Variants in UGT1A8 observed in about 807,000 individuals in gnomAD.
UGT1A8 encodes the protein UDP glucuronosyltransferase family 1 member A8, also known as UDP-glucuronosyltransferase 1A8.
In UGT1A8, 39 loss-of-function variants were observed where a neutral mutation model predicts 45.3. That is an observed-to-expected ratio of 0.86 (90% confidence interval 0.67 to 1.12). UGT1A8 has a LOEUF of 1.12. UGT1A8 is among the 50% of genes most tolerant of loss of function. The pLI is 0.00. For missense variants in UGT1A8, 719 were observed against 664.9 expected (o/e 1.08, Z -0.90); for synonymous variants, 275 against 249.2 (o/e 1.10, Z -0.97).
intron 1 of UGT1A8, among the ~76,000 whole-genome samples, chr2:233,621,784 G>C (rs531639397): frequency 6.6e-6 from 1 of 152,114 alleles, no homozygotes; most frequent in East Asian, 1.9e-4. Flanking sequence ...ACAACGTAAA[G>C]GTTTGTTACA....
At chr2:233,670,759 C>T (rs577370995) in intron 1 of UGT1A8, among the ~76,000 whole-genome samples, 2 of 152,286 alleles carry the variant, frequency 1.3e-5, no homozygotes, top group African/African-American at 4.8e-5. Flanking sequence ...TTGACACCTT[C>T]AGTGTTGAAC....
intron 1 of UGT1A8, among the ~76,000 whole-genome samples, chr2:233,715,951 T>C (rs189079466): frequency 1.1e-3 from 172 of 152,286 alleles, no homozygotes; most frequent in African/African-American, 4.0e-3. Flanking sequence ...GTTTGTTGAC[T>C]GACTGACTGA....
At chr2:233,650,726 G>A (rs1041291371) in intron 1 of UGT1A8, among the ~76,000 whole-genome samples, 1 of 151,866 alleles carries the variant, frequency 6.6e-6, no homozygotes, top group African/African-American at 2.4e-5. Context: ...TTTTGATGGG[G>A]GCTTTTTTCC....
intron 1 of UGT1A8, among the ~76,000 whole-genome samples, chr2:233,732,141 T>C (rs532123817): frequency 6.6e-6 from 1 of 151,874 alleles, no homozygotes; most frequent in South Asian, 2.1e-4. Context: ...TGTTTGTTTG[T>C]TTTTTTTCTT....
chr2:233,750,643 A>G (rs1694525645), intron 1 of UGT1A8: 1 of 149,168 alleles, frequency 6.7e-6, no homozygotes. Flanking sequence ...TGCTGTGTGC[A>G]GCCTCAGGAC....
intron 1 of UGT1A8, among the ~76,000 whole-genome samples, chr2:233,724,822 C>T (rs372493213): frequency 2.2e-5 from 3 of 135,968 alleles, no homozygotes; most frequent in Admixed American, 7.3e-5. Flanking sequence ...GCTGCAATCT[C>T]GGCACTTTGG....
Position 233,773,207 on chromosome 2 carries a change from A to G in UGT1A8, c.*648A>G, listed in dbSNP as rs1436243452. On this transcript the variant is annotated 3_prime_UTR_variant, in exon 5 of 5. Coordinates refer to ENST00000373450, the MANE Select transcript of UGT1A8 (RefSeq NM_019076.5). ...TCAAATGGAGCTGAATTTGATAAAAACCCAAAATACAGCTATGAAGTGCTG... is the reference window on the plus strand; with the variant it reads ...TCAAATGGAGCTGAATTTGATAAAAGCCCAAAATACAGCTATGAAGTGCTG... 1 of 152,384 alleles carries G rather than the reference A, an allele frequency of 6.6e-6. No homozygotes were observed. The highest frequency in any genetic ancestry group is 2.4e-5 in the African/African-American group (1 of 41,416). The allele number at this position is 152,384 out of a possible 1,614,324, so 9.4% of individuals were successfully genotyped here. A position where few individuals can be genotyped will look rare whatever the true frequency, so the allele number is the denominator to read the frequency against.
intron 1 of UGT1A8, among the ~76,000 whole-genome samples, chr2:233,750,023 T>C (rs1409167915): frequency 6.6e-6 from 1 of 152,000 alleles, no homozygotes; most frequent in African/African-American, 2.4e-5. Context: ...AGTGGAGTAC[T>C]GCTATAAAGA....
chr2:233,761,175 ACATG>A lies in UGT1A8; in HGVS notation c.856-5857_856-5854del, dbSNP rs768058244. The A allele has an allele frequency of 9.3e-6, 15 of 1,614,212 alleles. No homozygotes were observed. In the African/African-American group the frequency reaches 1.9e-4, roughly 20 times the overall value. On this transcript the variant is annotated intron_variant, in intron 1 of 4. Coordinates refer to ENST00000373450, the MANE Select transcript of UGT1A8 (RefSeq NM_019076.5). ...AGGTGTGTATTGGAGTGGGACTTTT[ACATG>A]CGTATATTCTTTCAGATGTATTACT... is the stretch of plus-strand genomic sequence containing the variant.
chr2:233,629,584 C>G (rs2073150928), intron 1 of UGT1A8, among the ~76,000 whole-genome samples: 1 of 151,948 alleles, frequency 6.6e-6, no homozygotes, highest in African/African-American at 2.4e-5. Flanking sequence ...TGTAATTTTC[C>G]TATCTTTTAA....
At chr2:233,630,458 A>C (rs542193371) in intron 1 of UGT1A8, among the ~76,000 whole-genome samples, 1 of 152,256 alleles carries the variant, frequency 6.6e-6, no homozygotes, top group African/African-American at 2.4e-5. Context: ...CAGTGCAACA[A>C]ATATTCTGGT....
At chr2:233,760,774 T>C in intron 1 of UGT1A8, 1 of 1,613,992 alleles carries the variant, frequency 6.2e-7, no homozygotes, top group Non-Finnish European at 8.5e-7. Flanking sequence ...CGTGGCCCAG[T>C]ACCTGTCTCT....
At chr2:233,623,130 C>T (rs1360138861) in intron 1 of UGT1A8, among the ~76,000 whole-genome samples, 2 of 152,056 alleles carry the variant, frequency 1.3e-5, no homozygotes, top group African/African-American at 4.8e-5. Flanking sequence ...TTACTGTAGC[C>T]TTGTGATTTA....
At chr2:233,738,115 G>T (rs1249005866) in intron 1 of UGT1A8, among the ~76,000 whole-genome samples, 5 of 152,176 alleles carry the variant, frequency 3.3e-5, no homozygotes, top group African/African-American at 1.2e-4. Flanking sequence ...AGATCTGATG[G>T]TTTTATAAGG....
intron 1 of UGT1A8, among the ~76,000 whole-genome samples, chr2:233,635,464 C>G (rs2073267099): frequency 6.6e-6 from 1 of 150,668 alleles, no homozygotes; most frequent in Non-Finnish European, 1.5e-5. Context: ...TACTTTTAAA[C>G]AATCAAATCT....
rs78587046 is a variant in UGT1A8 at position 233,636,407 on chromosome 2, A to C, written c.855+17845A>C. Reference sequence around the variant, plus strand: ...CAGTGAGTGTGATTTTTTTTTTTTTATGAAAGGATAAATACACGCCCTCTA... The same window carrying C: ...CAGTGAGTGTGATTTTTTTTTTTTTCTGAAAGGATAAATACACGCCCTCTA... On this transcript the variant is annotated intron_variant, in intron 1 of 4. Coordinates refer to ENST00000373450, the MANE Select transcript of UGT1A8 (RefSeq NM_019076.5). 6 of 1,048,178 alleles carry C rather than the reference A, an allele frequency of 5.7e-6. No individual in the cohort carries two copies. In the African/African-American group the frequency reaches 9.8e-5, roughly 17 times the overall value. The allele number at this position is 1,048,178 out of a possible 1,614,324, so 64.9% of individuals were successfully genotyped here. A position where few individuals can be genotyped will look rare whatever the true frequency, so the allele number is the denominator to read the frequency against.
intron 1 of UGT1A8, among the ~76,000 whole-genome samples, chr2:233,632,719 AG>A (rs1363974047): frequency 6.6e-6 from 1 of 152,212 alleles, no homozygotes; most frequent in Non-Finnish European, 1.5e-5. Flanking sequence ...TATCAGCTTA[AG>A]GAGTTTTTGG....
intron 1 of UGT1A8, chr2:233,672,276 T>C: frequency 6.2e-7 from 1 of 1,614,036 alleles, no homozygotes; most frequent in African/African-American, 1.3e-5. Context: ...GTTCATACAA[T>C]GACATTTTTG....
chr2:233,760,197 G>A (rs2125980210), intron 1 of UGT1A8: 1 of 1,578,860 alleles, frequency 6.3e-7, no homozygotes, highest in Admixed American at 1.7e-5. Context: ...ACGTGACACA[G>A]TCAAACATTA....
Sources: gnomAD v4.1 joint callset for allele counts (sites outside exome capture counted in the v4.1 genomes callset) on GRCh38, gnomAD v4.1.1 for gene constraint, MANE v1.5 for transcripts, NCBI Gene and HGNC (gene_info 2026-07-23, HGNC 2026-07-21) for gene names.